TXNRD1: variants seen among roughly 807,000 people sequenced by gnomAD.
The protein encoded by TXNRD1 is thioredoxin reductase 1.
A neutral mutation model predicts 80.3 loss-of-function variants in TXNRD1; 57 were observed. That is an observed-to-expected ratio of 0.71 (90% CI 0.57 to 0.89). TXNRD1 has a LOEUF of 0.89. Ranked by LOEUF, TXNRD1 falls within the 40% of genes least tolerant of loss-of-function variation. The pLI, the probability that TXNRD1 is intolerant of heterozygous loss-of-function variation, is 0.00. For synonymous variants in TXNRD1, 291 were observed against 285.2 expected (o/e 1.02, Z -0.20); for missense variants, 730 against 803.0 (o/e 0.91, Z 1.10).
intron 1 of TXNRD1, among the ~76,000 whole-genome samples, chr12:104,218,643 G>C (rs1307018825): frequency 6.7e-6 from 1 of 150,306 alleles, no homozygotes; most frequent in African/African-American, 2.4e-5. Context: ...TTTGAAATAG[G>C]GTCTTGCTCT....
rs943455228 is a variant in TXNRD1, at chr12:104,328,823, T to C, written c.1542+1152T>C. Among the ~76,000 whole-genome samples the C allele has an allele frequency of 3.9e-5, 6 of 152,144 alleles. No individual in the cohort carries two copies. In the South Asian group the frequency reaches 8.3e-4, roughly 21 times the overall value. ...GATGTTGAATATGTTAAATGTTATA[T>C]TGAATTTTAAAATGATTTTTTAAAA... On this transcript the variant is annotated intron_variant, in intron 13 of 16. Transcript: ENST00000525566.
intron 16 of TXNRD1, chr12:104,345,900 T>G: frequency 3.4e-6 from 4 of 1,171,974 alleles, no homozygotes; most frequent in Non-Finnish European, 4.5e-6. Flanking sequence ...ACGAGTCCTG[T>G]GTGTTGGGAT....
At chr12:104,291,480 CTTTTTTTTTTT>C (rs1161549363) in intron 4 of TXNRD1, among the ~76,000 whole-genome samples, 1 of 98,402 alleles carries the variant, frequency 1.0e-5, no homozygotes, top group African/African-American at 4.3e-5. Context: ...CCGCACCCAG[CTTTTTTTTTTT>C]TTTTTTTTTT....
At chr12:104,229,150 T>C (rs1216342444) in intron 1 of TXNRD1, among the ~76,000 whole-genome samples, 3 of 147,392 alleles carry the variant, frequency 2.0e-5, no homozygotes, top group Non-Finnish European at 4.5e-5. Context: ...TTTTCTTTTT[T>C]TTTTTTTTTT....
At chr12:104,217,124 CCAGGT>C (rs2032232893) in intron 1 of TXNRD1, among the ~76,000 whole-genome samples, 1 of 151,986 alleles carries the variant, frequency 6.6e-6, no homozygotes, top group African/African-American at 2.4e-5. Flanking sequence ...CAGGCAAGGT[CCAGGT>C]CAGGCAGCTA....
rs1233123372 is a variant in TXNRD1, at chr12:104,230,506, A to G, written c.91+14613A>G. Among the ~76,000 whole-genome samples the G allele has an allele frequency of 4.6e-5, 7 of 152,254 alleles. No individual in the cohort carries two copies. The East Asian group carries it at 1.3e-3, about 29-fold the overall frequency. On this transcript the variant is annotated intron_variant, in intron 1 of 16. Coordinates refer to ENST00000525566, the MANE Select transcript of TXNRD1 (RefSeq NM_001093771.3). ...AGTTATTGTCTATCTTTTTTATTCTAGCCATCCTAGTGGTGTGAAGTGGTA... is the reference window on the plus strand; with the variant it reads ...AGTTATTGTCTATCTTTTTTATTCTGGCCATCCTAGTGGTGTGAAGTGGTA...
At chr12:104,247,819 G>A (rs573110884) in intron 1 of TXNRD1, among the ~76,000 whole-genome samples, 6 of 152,306 alleles carry the variant, frequency 3.9e-5, no homozygotes, top group African/African-American at 1.4e-4. Flanking sequence ...ATTGTCACCT[G>A]CTTTTAGAGT....
At position 104,287,022 on chromosome 12, in the gene TXNRD1, A is replaced by G. The variant is rs938989042; in HGVS notation, c.305-1909A>G. 17 of 1,364,974 alleles carry G rather than the reference A, an allele frequency of 1.2e-5. No individual in the cohort carries two copies. In the East Asian group the frequency reaches 2.3e-4, roughly 19 times the overall value. The allele number at this position is 1,364,974 out of a possible 1,614,324, so 84.6% of individuals were successfully genotyped here. ...TAGGAAACAGCAACCCTTTCACCTCAGTTTTCTTCACTCCGGCATTTGCAG... is the reference window on the plus strand; with the variant it reads ...TAGGAAACAGCAACCCTTTCACCTCGGTTTTCTTCACTCCGGCATTTGCAG... On this transcript the variant is annotated intron_variant, in intron 3 of 16. Transcript: ENST00000525566.
At chr12:104,317,150 C>T (rs1419188426) in intron 7 of TXNRD1, among the ~76,000 whole-genome samples, 1 of 152,132 alleles carries the variant, frequency 6.6e-6, no homozygotes, top group African/African-American at 2.4e-5. Context: ...TTTTGTAAAA[C>T]ATTGATAATT....
At chr12:104,297,269 C>T (rs2034465050) in intron 4 of TXNRD1, among the ~76,000 whole-genome samples, 1 of 146,296 alleles carries the variant, frequency 6.8e-6, no homozygotes, top group African/African-American at 2.5e-5. Flanking sequence ...CCTGCCATTG[C>T]ACTCCAGCCT....
At chr12:104,220,106 A>G (rs1409274934) in intron 1 of TXNRD1, among the ~76,000 whole-genome samples, 3 of 152,158 alleles carry the variant, frequency 2.0e-5, no homozygotes, top group South Asian at 2.1e-4. Context: ...AGAGGTGCCT[A>G]TCCTTAGCAA....
chr12:104,318,199 ATTAAT>A lies in TXNRD1; in HGVS notation c.731-707_731-703del, dbSNP rs149681110. 8.9e-3 allele frequency among the ~76,000 whole-genome samples: 1,355 copies of A among 152,332 alleles called. 21 individuals are homozygous for A. Among genetic ancestry groups the A allele is most frequent in the African/African-American group, 0.03 (1,260 of 41,564 alleles). ...TTACTTTAGTGTCCTGACTTAAAGG[ATTAAT>A]TTAATTATGACAGAATCAAAAAGAA... On this transcript the variant is annotated intron_variant, in intron 7 of 16. Coordinates refer to ENST00000525566, the MANE Select transcript of TXNRD1 (RefSeq NM_001093771.3).
intron 6 of TXNRD1, 21 bp downstream of exon 6, chr12:104,313,338 A>G: frequency 6.5e-7 from 1 of 1,547,014 alleles, no homozygotes; most frequent in East Asian, 2.3e-5. Context: ...AAGATACTCT[A>G]GAAGTGATGT....
At chr12:104,306,061 A>G (rs1242695596) in intron 4 of TXNRD1, among the ~76,000 whole-genome samples, 1 of 151,970 alleles carries the variant, frequency 6.6e-6, no homozygotes, top group Non-Finnish European at 1.5e-5. Context: ...GTGCCATCAC[A>G]CCCAGCAAAT....
At chr12:104,254,069 T>C (rs1316581082) in intron 2 of TXNRD1, among the ~76,000 whole-genome samples, 1 of 152,180 alleles carries the variant, frequency 6.6e-6, no homozygotes, top group Non-Finnish European at 1.5e-5. Flanking sequence ...GCCTGGACTC[T>C]AAAGTCAGAG....
At chr12:104,325,716 AC>A in intron 11 of TXNRD1, among the ~76,000 whole-genome samples, 1 of 152,326 alleles carries the variant, frequency 6.6e-6, no homozygotes, top group Non-Finnish European at 1.5e-5. Flanking sequence ...TACTAAAAAT[AC>A]AAAAATTAGC....
Position 104,350,174 on chromosome 12 carries a change from T to A in TXNRD1, c.*1753T>A, listed in dbSNP as rs190139018. On this transcript the variant is annotated 3_prime_UTR_variant, in exon 17 of 17. Coordinates refer to ENST00000525566, the MANE Select transcript of TXNRD1 (RefSeq NM_001093771.3). ...ATAGACTTGTCTTGTTCAGATTCTG[T>A]ATTTACCCATTTTATTGAAACATAT... The A allele has an allele frequency of 1.1e-4, 17 of 152,336 alleles. No homozygotes were observed. In the East Asian group the frequency reaches 3.3e-3, roughly 29 times the overall value. The allele number at this position is 152,336 out of a possible 1,614,324, so 9.4% of individuals were successfully genotyped here. A position where few individuals can be genotyped will look rare whatever the true frequency, so the allele number is the denominator to read the frequency against.
intron 16 of TXNRD1, chr12:104,346,079 C>A: frequency 3.0e-6 from 3 of 990,312 alleles, no homozygotes; most frequent in Non-Finnish European, 4.2e-6. Flanking sequence ...GTGGTGTGAT[C>A]TCAGTTCACT....
intron 2 of TXNRD1, among the ~76,000 whole-genome samples, chr12:104,255,538 C>T (rs2033229517): frequency 6.6e-6 from 1 of 152,156 alleles, no homozygotes; most frequent in Non-Finnish European, 1.5e-5. Context: ...GTGACTCACA[C>T]CTGTACTCCC....
Sources: allele counts gnomAD v4.1 joint callset (sites outside exome capture counted in the v4.1 genomes callset), GRCh38; gene constraint gnomAD v4.1.1; transcripts MANE v1.5; gene names NCBI Gene and HGNC (gene_info 2026-07-23, HGNC 2026-07-21).